PCDHGA2: variants seen among roughly 807,000 people sequenced by gnomAD.
The protein encoded by PCDHGA2 is protocadherin gamma subfamily A, 2, also known as protocadherin gamma-A2.
PCDHGA2 carries 40 observed loss-of-function variants against 59.2 expected under a neutral mutation model. The ratio of observed to expected loss-of-function variants is 0.68; its 90% CI spans 0.52 to 0.88. The LOEUF (loss-of-function observed/expected upper bound fraction) is 0.88, where lower values mean the gene tolerates loss of function less well. Among genes scored for constraint, PCDHGA2 ranks in the 40% least tolerant of loss-of-function variants. PCDHGA2 has a pLI of 0.00. For synonymous variants in PCDHGA2, 560 were observed against 526.0 expected (o/e 1.06, Z -0.89); for missense variants, 1,226 against 1,204.0 (o/e 1.02, Z -0.27).
At chr5:141,357,143 A>T (rs1650899741) in intron 1 of PCDHGA2, 1 of 1,613,420 alleles carries the variant, frequency 6.2e-7, no homozygotes, top group South Asian at 1.1e-5. Flanking sequence ...GTCGTCCAGG[A>T]CCATGGCCAG....
chr5:141,357,979 C>T (rs554928624), intron 1 of PCDHGA2, among the ~76,000 whole-genome samples: 3 of 152,118 alleles, frequency 2.0e-5, no homozygotes, highest in Admixed American at 6.5e-5. Flanking sequence ...TGCCTGAGCT[C>T]AGGAGTTCGA....
Position 141,432,483 on chromosome 5 carries a change from T to C in PCDHGA2, c.2425-62324T>C, listed in dbSNP as rs776090923. The C allele has an allele frequency of 6.2e-7, 1 of 1,614,136 alleles. No homozygotes were observed. The highest frequency in any genetic ancestry group is 1.1e-5 in the South Asian group (1 of 91,078). ...CTCCCCACGGACGGTTCCACTGGCG[T>C]GGAGCTGGCTCCCCGCTCCGCAGAG... On this transcript the variant is annotated intron_variant, in intron 1 of 3. Coordinates refer to ENST00000394576, the MANE Select transcript of PCDHGA2 (RefSeq NM_018915.4). The surrounding 1 kb of genome is among the most constrained non-coding windows in gnomAD (Gnocchi z 6.0).
In PCDHGA2 at chr5:141,487,954, T is replaced by C. The variant is rs2099669751; in HGVS notation, c.2425-6853T>C. On this transcript the variant is annotated intron_variant, in intron 1 of 3. Transcript: ENST00000394576. The surrounding 1 kb of genome is among the most constrained non-coding windows in gnomAD (Gnocchi z 5.0). ...GGGTACAGTGCACCAGGCAGTCACTTGGACAAAGGTGGCTGTTTTCTCTAC... is the reference window on the plus strand; with the variant it reads ...GGGTACAGTGCACCAGGCAGTCACTCGGACAAAGGTGGCTGTTTTCTCTAC... Among the ~76,000 whole-genome samples the C allele has an allele frequency of 6.6e-6, 1 of 152,182 alleles. No homozygotes were observed. The highest frequency in any genetic ancestry group is 1.5e-5 in the Non-Finnish European group (1 of 68,020).
intron 1 of PCDHGA2, among the ~76,000 whole-genome samples, chr5:141,459,660 T>C (rs73280323): frequency 7.9e-4 from 120 of 152,386 alleles, no homozygotes; most frequent in African/African-American, 2.7e-3. Flanking sequence ...AATATCACTT[T>C]ACATTTTCAT....
chr5:141,478,213 C>A (rs2099439229), intron 1 of PCDHGA2: 1 of 1,614,000 alleles, frequency 6.2e-7, no homozygotes, highest in Non-Finnish European at 8.5e-7. Context: ...TTTCTCTAAT[C>A]CTGGTTTCTG....
In PCDHGA2 at chr5:141,413,117, C is replaced by G. The variant is rs902301902; in HGVS notation, c.2424+71722C>G. 1.9e-5 allele frequency: 29 copies of G among 1,509,004 alleles called. No homozygotes were observed. In the African/African-American group the frequency reaches 4.1e-4, roughly 21 times the overall value. The allele number at this position is 1,509,004 out of a possible 1,614,324, so 93.5% of individuals were successfully genotyped here. ...TGAAGCCACAGAAAGACAAAGGAAC[C>G]GGTTGAAACACACAACGTGTCCAGT... On this transcript the variant is annotated intron_variant, in intron 1 of 3. Transcript: ENST00000394576.
rs762121534 is a variant in PCDHGA2, at chr5:141,403,984, A to G, written c.2424+62589A>G. 1.7e-5 allele frequency: 27 copies of G among 1,613,774 alleles called. No homozygotes were observed. The South Asian group carries it at 2.7e-4, about 16-fold the overall frequency. On this transcript the variant is annotated intron_variant, in intron 1 of 3. Coordinates refer to ENST00000394576, the MANE Select transcript of PCDHGA2 (RefSeq NM_018915.4). Reference sequence around the variant, plus strand: ...CGGTGGAAGATGTAAATGACAATAGACCTGAAGTGACCATTACATCTCTGT... The same window carrying G: ...CGGTGGAAGATGTAAATGACAATAGGCCTGAAGTGACCATTACATCTCTGT...
intron 1 of PCDHGA2, among the ~76,000 whole-genome samples, chr5:141,446,758 C>A (rs776925316): frequency 6.6e-6 from 1 of 152,326 alleles, no homozygotes; most frequent in Non-Finnish European, 1.5e-5. Flanking sequence ...TGAGCCACCG[C>A]GCCCAGCCGG....
rs2099389707 is a variant in PCDHGA2, at chr5:141,476,358, G to A, written c.2425-18449G>A. On this transcript the variant is annotated intron_variant, in intron 1 of 3. Transcript: ENST00000394576. This position sits in a 1 kb window ranked among gnomAD's most constrained non-coding sequence, Gnocchi z 7.6. ...AGCCGAAGATTCTTTGAGGTGAACC[G>A]GGAGACCGGAGAGATGTTTGTGAAC... 6.2e-7 allele frequency: 1 copy of A among 1,614,134 alleles called. No individual in the cohort carries two copies. The highest frequency in any genetic ancestry group is 8.5e-7 in the Non-Finnish European group (1 of 1,180,022).
chr5:141,416,053 A>T (rs2095987443), intron 1 of PCDHGA2: 1 of 181,266 alleles, frequency 5.5e-6, no homozygotes, highest in South Asian at 1.8e-4. Flanking sequence ...CACAACCCAA[A>T]TCCAAGAATA....
At chr5:141,370,318 C>G (rs1295080631) in intron 1 of PCDHGA2, 15 of 1,325,178 alleles carry the variant, frequency 1.1e-5, no homozygotes, top group African/African-American at 1.5e-5. Flanking sequence ...AATAGTTGGT[C>G]CTGCTCGGAG....
chr5:141,425,869 C>G (rs1376765137), intron 1 of PCDHGA2, among the ~76,000 whole-genome samples: 1 of 152,198 alleles, frequency 6.6e-6, no homozygotes, highest in Non-Finnish European at 1.5e-5. Flanking sequence ...TATAGATTCC[C>G]ATCTCTAAGG....
At chr5:141,482,530 C>CAAAAAAAAAAAAAAA (rs3074545) in intron 1 of PCDHGA2, among the ~76,000 whole-genome samples, 1 of 76,562 alleles carries the variant, frequency 1.3e-5, no homozygotes, top group African/African-American at 4.8e-5. Flanking sequence ...GACAGACATG[C>CAAAAAAAAAAAAAAA]AAAAAAAAAA....
chr5:141,403,616 C>T (rs2094434764), intron 1 of PCDHGA2: 1 of 1,613,774 alleles, frequency 6.2e-7, no homozygotes, highest in South Asian at 1.1e-5. Flanking sequence ...CGAGCCGCGT[C>T]GCTCCAGCAC....
At chr5:141,418,646 A>C (rs986717136) in intron 1 of PCDHGA2, 2 of 1,614,010 alleles carry the variant, frequency 1.2e-6, no homozygotes, top group Admixed American at 3.3e-5. Context: ...CTCCATCCTG[A>C]GAGTGAAGGC....
chr5:141,508,737 C>T (rs919094477), intron 3 of PCDHGA2, among the ~76,000 whole-genome samples: 1 of 152,010 alleles, frequency 6.6e-6, no homozygotes, highest in Non-Finnish European at 1.5e-5. Flanking sequence ...CTACACCCCC[C>T]ACCCCGCTCT....
Position 141,339,193 on chromosome 5 carries a change from CTT to C in PCDHGA2, c.224_225del (p.Phe75CysfsTer32), listed in dbSNP as rs1159238281. On this transcript the variant is annotated frameshift_variant, in exon 1 of 4. Coordinates refer to ENST00000394576, the MANE Select transcript of PCDHGA2 (RefSeq NM_018915.4). LOFTEE classifies it high-confidence loss of function. ...RIVSRGRSQL[F>X]ALNPRSGSLV... ...TCGTCTCCAGAGGTAGGTCCCAGCT[CTT>C]TGCTCTGAACCCGCGAAGCGGCAGC... 6.2e-7 allele frequency: 1 copy of C among 1,614,040 alleles called. No homozygotes were observed. Among genetic ancestry groups the C allele is most frequent in the Non-Finnish European group, 8.5e-7 (1 of 1,179,984 alleles).
At chr5:141,441,920 A>G (rs1276085080) in intron 1 of PCDHGA2, 8 of 352,988 alleles carry the variant, frequency 2.3e-5, no homozygotes, top group East Asian at 8.9e-5. Context: ...GTGAGACACA[A>G]TGCGTGGCTG....
Position 141,491,300 on chromosome 5 carries a change from G to A in PCDHGA2, c.2425-3507G>A, listed in dbSNP as rs2099710472. On this transcript the variant is annotated intron_variant, in intron 1 of 3. Coordinates refer to ENST00000394576, the MANE Select transcript of PCDHGA2 (RefSeq NM_018915.4). This position sits in a 1 kb window ranked among gnomAD's most constrained non-coding sequence, Gnocchi z 6.9. ...GACTTCCTCATACACCCTCCTGAGC[G>A]TTCAGACCTTACCCTTTACCTCATT... 1 of 1,614,136 alleles carries A rather than the reference G, an allele frequency of 6.2e-7. No homozygotes were observed. The highest frequency in any genetic ancestry group is 1.1e-5 in the South Asian group (1 of 91,086).
Sources: allele counts gnomAD v4.1 joint callset (sites outside exome capture counted in the v4.1 genomes callset), GRCh38; gene constraint gnomAD v4.1.1; non-coding constraint Gnocchi (gnomAD v3.1); transcripts MANE v1.5; gene names NCBI Gene and HGNC (gene_info 2026-07-23, HGNC 2026-07-21).